Variants in FAM186A observed in about 807,000 individuals in gnomAD.
FAM186A encodes family with sequence similarity 186 member A.
In FAM186A, 163 loss-of-function variants were observed where a neutral mutation model predicts 216.8. The observed-to-expected ratio is 0.75, with a 90% CI of 0.66 to 0.86. The LOEUF is 0.86. FAM186A is among the 40% of genes least tolerant of loss of function. The pLI, the probability that FAM186A is intolerant of heterozygous loss-of-function variation, is 0.00. For synonymous variants in FAM186A, 805 were observed against 1,025.3 expected (o/e 0.79, Z 4.10); for missense variants, 2,184 against 2,746.2 (o/e 0.80, Z 4.58).
In FAM186A at chr12:50,354,495, G is replaced by A. The variant is rs1345456735; in HGVS notation, c.2337C>T (p.Leu779=). ...ISAKSESSTL[L]SYESTDPVIN... is the part of the protein sequence containing the mutation. ...TTACTGGATCTGTGCTCTCATATGAGAGGAGGGTACTGCTTTCAGATTTTG... is the reference window on the plus strand; with the variant it reads ...TTACTGGATCTGTGCTCTCATATGAAAGGAGGGTACTGCTTTCAGATTTTG... The change falls in exon 4 of 8, where the codon CTC becomes CTT. Residue 779 remains leucine (L), a synonymous_variant. Coordinates refer to ENST00000327337, the MANE Select transcript of FAM186A (RefSeq NM_001145475.3). 1 of 1,551,538 alleles carries A rather than the reference G, an allele frequency of 6.4e-7. No individual in the cohort carries two copies. The highest frequency in any genetic ancestry group is 1.4e-5 in the African/African-American group (1 of 73,032).
rs1481956585 is a variant in FAM186A at position 50,350,599 on chromosome 12, A to T, written c.6233T>A (p.Ile2078Lys). 1 of 1,551,664 alleles carries T rather than the reference A, an allele frequency of 6.4e-7. No individual in the cohort carries two copies. The highest frequency in any genetic ancestry group is 8.7e-7 in the Non-Finnish European group (1 of 1,146,990). The change falls in exon 4 of 8, where the codon ATA becomes AAA. Residue 2078 changes from isoleucine (I) to lysine (K), a missense_variant. Physicochemically the swap from Ile to Lys is moderately radical, Grantham distance 102. Transcript: ENST00000327337. ...SRFPPIDKPW[I>K]LSSVSDTKKP... ...CTTGGTATCTGAAACTGAACTCAGT[A>T]TCCAGGGCTTGTCTATAGGAGGGAA...
intron 6 of FAM186A, 35 bp from the exon 7 acceptor site, chr12:50,330,793 C>A: frequency 6.7e-7 from 1 of 1,481,596 alleles, no homozygotes; most frequent in South Asian, 1.4e-5. Context: ...ACGCCAAATT[C>A]TCCTGAGCTC....
At chr12:50,379,217 G>A (rs1943230005) in intron 1 of FAM186A, among the ~76,000 whole-genome samples, 1 of 151,950 alleles carries the variant, frequency 6.6e-6, no homozygotes, top group Non-Finnish European at 1.5e-5. Flanking sequence ...GAGGTGGGTG[G>A]ATCATAAGGT....
At chr12:50,334,195 A>C in intron 4 of FAM186A, 92 bp from the exon 5 acceptor site, 1 of 1,135,978 alleles carries the variant, frequency 8.8e-7, no homozygotes, top group Non-Finnish European at 1.2e-6. Flanking sequence ...TTTGAGACGG[A>C]GTTTCGATCT....
At position 50,376,123 on chromosome 12, in the gene FAM186A, G is replaced by A. The variant is rs576220189; in HGVS notation, c.193-12759C>T. ...TGCAGGCACCAGTGTCTGGATGAGG[G>A]AAACTCAGTGGTGCCCAAAAGCTCA... On this transcript the variant is annotated intron_variant, in intron 1 of 7. Coordinates refer to ENST00000327337, the MANE Select transcript of FAM186A (RefSeq NM_001145475.3). Among the ~76,000 whole-genome samples the A allele has an allele frequency of 8.5e-5, 13 of 152,282 alleles. 1 individual carries two copies. In the South Asian group the frequency reaches 1.9e-3, roughly 22 times the overall value.
rs7295613 is a variant in FAM186A, at chr12:50,374,448, T to C, written c.193-11084A>G. On this transcript the variant is annotated intron_variant, in intron 1 of 7. Coordinates refer to ENST00000327337, the MANE Select transcript of FAM186A (RefSeq NM_001145475.3). ...CAAACAATATCCTTAAAAAATAGCA[T>C]CATGAAAAAGTGGGATTTACCCTGG... Among the ~76,000 whole-genome samples, 614 of 152,020 alleles carry C rather than the reference T, an allele frequency of 4.0e-3. 5 individuals carry two copies. The highest frequency in any genetic ancestry group is 0.014 in the African/African-American group (577 of 41,486).
intron 1 of FAM186A, among the ~76,000 whole-genome samples, chr12:50,396,010 G>C (rs548219720): frequency 6.6e-6 from 1 of 151,718 alleles, no homozygotes; most frequent in East Asian, 2.0e-4. Context: ...TGATCCGCCC[G>C]CCTCGGCCTC....
In FAM186A at chr12:50,355,503, T is replaced by G. The variant is rs1047390793; in HGVS notation, c.1329A>C (p.Lys443Asn). The G allele has an allele frequency of 6.4e-7, 1 of 1,551,336 alleles. No individual in the cohort carries two copies. Among genetic ancestry groups the G allele is most frequent in the Non-Finnish European group, 8.7e-7 (1 of 1,146,904 alleles). ...TCTCATCTTCCTGATAGAAATCACCTTTCTTCAATGATACGTTATCTTTAG... is the reference window on the plus strand; with the variant it reads ...TCTCATCTTCCTGATAGAAATCACCGTTCTTCAATGATACGTTATCTTTAG... ...DSTKDNVSLK[K>N]GDFYQEDETD... Residue 443 changes from lysine (K) to asparagine (N), a missense_variant, in exon 4 of 8, where the codon AAA becomes AAC. Lys to Asn is a moderately conservative substitution (Grantham distance 94). This residue lies in a region of FAM186A where 1,132 missense variants were observed against 1,263.4 expected (regional missense o/e 0.90). Coordinates refer to ENST00000327337, the MANE Select transcript of FAM186A (RefSeq NM_001145475.3).
intron 3 of FAM186A, among the ~76,000 whole-genome samples, chr12:50,359,662 G>A (rs1187411335): frequency 6.6e-6 from 1 of 152,014 alleles, no homozygotes; most frequent in Non-Finnish European, 1.5e-5. Flanking sequence ...CTGGTGAATG[G>A]GTAAACAAAA....
intron 1 of FAM186A, among the ~76,000 whole-genome samples, chr12:50,383,214 G>GCA (rs1943268595): frequency 8.2e-6 from 1 of 121,296 alleles, no homozygotes; most frequent in Admixed American, 1.1e-4. Context: ...TGCAGCCACT[G>GCA]CACACCAGCC....
intron 4 of FAM186A, among the ~76,000 whole-genome samples, chr12:50,336,836 G>A (rs79102399): frequency 6.6e-6 from 1 of 150,758 alleles, no homozygotes; most frequent in African/African-American, 2.4e-5. Flanking sequence ...TTTTTTTTTG[G>A]TAGATGATGG....
chr12:50,334,076 G>T lies in FAM186A; in HGVS notation c.6531C>A (p.Ala2177=). 1.3e-6 allele frequency: 2 copies of T among 1,548,232 alleles called. No homozygotes were observed. The highest frequency in any genetic ancestry group is 2.4e-5 in the South Asian group (2 of 83,164). The change falls in exon 5 of 8, where the codon GCC becomes GCA. Residue 2177 remains alanine, a synonymous_variant. Transcript: ENST00000327337. ...ARNNIMKRLK[A]IQNTGKGYEA... ...CATAGCCTTTCCCAGTATTTTGGAT[G>T]GCTTTTAGTCGTTTCATTATGTTGT...
intron 3 of FAM186A, 28 bp downstream of exon 3, chr12:50,360,728 C>A: frequency 6.7e-7 from 1 of 1,486,872 alleles, no homozygotes. Context: ...CCATCTACTC[C>A]AACTCCAAAA....
chr12:50,349,438 C>G (rs1435242438), intron 4 of FAM186A, among the ~76,000 whole-genome samples: 3 of 152,114 alleles, frequency 2.0e-5, no homozygotes, highest in Non-Finnish European at 2.9e-5. Flanking sequence ...ATCCTCCCCC[C>G]TCAGACTTCC....
chr12:50,395,085 A>G (rs969930040), intron 1 of FAM186A, among the ~76,000 whole-genome samples: 2 of 151,536 alleles, frequency 1.3e-5, no homozygotes, highest in Non-Finnish European at 2.9e-5. Flanking sequence ...ATCAAACATG[A>G]CTGATTTTTG....
chr12:50,332,753 G>A (rs887643879), intron 5 of FAM186A, among the ~76,000 whole-genome samples: 10 of 152,148 alleles, frequency 6.6e-5, no homozygotes, highest in Non-Finnish European at 1.2e-4. Context: ...TCTGGGCCGG[G>A]CACGGTGGCT....
At chr12:50,342,512 T>C (rs1196569528) in intron 4 of FAM186A, among the ~76,000 whole-genome samples, 2 of 150,292 alleles carry the variant, frequency 1.3e-5, no homozygotes, top group African/African-American at 4.9e-5. Flanking sequence ...TCTCGCTCTG[T>C]TGCCCAGGCT....
intron 3 of FAM186A, among the ~76,000 whole-genome samples, chr12:50,358,168 A>T (rs56150799): frequency 0.086 from 13,073 of 152,120 alleles, 1,137 homozygotes; most frequent in East Asian, 0.34. Context: ...AAAAAAATTG[A>T]TACATTTATT....
intron 3 of FAM186A, among the ~76,000 whole-genome samples, chr12:50,358,302 G>A (rs980741849): frequency 2.6e-5 from 4 of 152,072 alleles, no homozygotes; most frequent in Non-Finnish European, 5.9e-5. Context: ...TATATCCAGC[G>A]AGGTGTGGTG....
Sources: allele counts gnomAD v4.1 joint callset (sites outside exome capture counted in the v4.1 genomes callset), GRCh38; gene constraint gnomAD v4.1.1; regional missense constraint gnomAD v4.1.1; transcripts MANE v1.5; gene names NCBI Gene and HGNC (gene_info 2026-07-23, HGNC 2026-07-21).